The following DHDH variants were observed in gnomAD, a reference collection of about 807,000 sequenced individuals.
The protein encoded by DHDH is dihydrodiol dehydrogenase, also known as trans-1,2-dihydrobenzene-1,2-diol dehydrogenase.
Under a neutral mutation model 33.2 loss-of-function variants are expected in DHDH, and 29 were observed. The observed-to-expected ratio is 0.87, with a 90% CI of 0.65 to 1.19. The LOEUF is 1.19. DHDH is among the 50% of genes most tolerant of loss of function. The pLI, the probability that DHDH is intolerant of heterozygous loss-of-function variation, is 0.00. For synonymous variants in DHDH, 201 were observed against 187.9 expected (o/e 1.07, Z -0.57); for missense variants, 431 against 455.0 (o/e 0.95, Z 0.48).
chr19:48,932,988 G>A (rs4802526), upstream of DHDH, among the ~76,000 whole-genome samples: 1 of 152,010 alleles, frequency 6.6e-6, no homozygotes, highest in Non-Finnish European at 1.5e-5. Context: ...GGGCAAGGAG[G>A]GTTTTGAAAC....
At chr19:48,943,055 CA>C (rs5828370) in intron 5 of DHDH, among the ~76,000 whole-genome samples, 25 of 140,820 alleles carry the variant, frequency 1.8e-4, no homozygotes, top group African/African-American at 3.8e-4. Flanking sequence ...AACTCCATCT[CA>C]AAAAAAAAAA....
In DHDH at chr19:48,942,576, C is replaced by G. The variant is rs7246241; in HGVS notation, c.744+12C>G. 1.2e-6 allele frequency: 2 copies of G among 1,606,174 alleles called. No homozygotes were observed. The highest frequency in any genetic ancestry group is 1.3e-5 in the African/African-American group (1 of 74,800). On this transcript the variant is annotated intron_variant, in intron 5 of 6. Coordinates refer to ENST00000221403, the MANE Select transcript of DHDH (RefSeq NM_014475.4). ...AGGGCATGGTACAGGTGAGGCATGG[C>G]GGGCCCAAGCGCTGGGGATCGTGCC... is the stretch of plus-strand genomic sequence containing the variant.
intron 3 of DHDH, among the ~76,000 whole-genome samples, 198 bp downstream of exon 3, chr19:48,936,393 C>CA (rs1431289623): frequency 7.2e-5 from 11 of 152,118 alleles, no homozygotes; most frequent in African/African-American, 2.2e-4. Flanking sequence ...GATCTTTTGT[C>CA]AGTCTTTAAG....
intron 3 of DHDH, among the ~76,000 whole-genome samples, chr19:48,936,423 G>A (rs1325889652): frequency 2.6e-5 from 4 of 152,072 alleles, no homozygotes; most frequent in African/African-American, 7.2e-5. Flanking sequence ...CCGGCCGGGC[G>A]CGGTGGCTCA....
At chr19:48,937,598 G>T (rs1485893343) in intron 3 of DHDH, among the ~76,000 whole-genome samples, 2 of 151,628 alleles carry the variant, frequency 1.3e-5, no homozygotes, top group African/African-American at 4.8e-5. Flanking sequence ...GGATCACGAC[G>T]TCAGGAGATC....
chr19:48,935,926 C>G (rs900530449), intron 2 of DHDH, 106 bp from the exon 3 acceptor site: 2 of 1,434,768 alleles, frequency 1.4e-6, no homozygotes, highest in South Asian at 1.3e-5. Context: ...GGGGTGTGAC[C>G]GACCACCTGG....
chr19:48,944,298 A>G, intron 5 of DHDH, 59 bp from the exon 6 acceptor site: 1 of 1,608,832 alleles, frequency 6.2e-7, no homozygotes, highest in Non-Finnish European at 8.5e-7. Flanking sequence ...ATGTTCCTGG[A>G]GGCAGCCTCA....
rs959130272 is a variant in DHDH, at chr19:48,942,307, A to G, written c.620-133A>G. ...GCGTGAGCCACCGCGACCAGCCAGC[A>G]CTTCATTCTTTTGCCTTGCCATGCA... On this transcript the variant is annotated intron_variant, in intron 4 of 6. Transcript: ENST00000221403. 5 of 1,039,704 alleles carry G rather than the reference A, an allele frequency of 4.8e-6. 1 individual carries two copies. The highest frequency in any genetic ancestry group is 6.6e-6 in the Non-Finnish European group (5 of 755,950). The allele number at this position is 1,039,704 out of a possible 1,614,324, so 64.4% of individuals were successfully genotyped here.
chr19:48,937,496 C>T (rs557361963), intron 3 of DHDH, among the ~76,000 whole-genome samples: 1 of 151,716 alleles, frequency 6.6e-6, no homozygotes, highest in Admixed American at 6.6e-5. Context: ...GCCAACATGG[C>T]GAAACTCCGT....
intron 4 of DHDH, among the ~76,000 whole-genome samples, chr19:48,940,470 C>T (rs1408311536): frequency 6.6e-6 from 1 of 151,820 alleles, no homozygotes; most frequent in Non-Finnish European, 1.5e-5. Flanking sequence ...TCATCTTTGA[C>T]CTTTAACCCC....
At chr19:48,934,628 C>T (rs2037746338) in intron 1 of DHDH, among the ~76,000 whole-genome samples, 1 of 152,138 alleles carries the variant, frequency 6.6e-6, no homozygotes, top group Non-Finnish European at 1.5e-5. Context: ...TAAAGTGAAA[C>T]ATAAATCTAG....
At chr19:48,934,873 C>G in intron 1 of DHDH, 127 bp from the exon 2 acceptor site, 1 of 616,560 alleles carries the variant, frequency 1.6e-6, no homozygotes, top group South Asian at 2.8e-5. Flanking sequence ...AATGTCCAGC[C>G]CCCGTCATCT....
chr19:48,943,596 C>T (rs915697252), intron 5 of DHDH, among the ~76,000 whole-genome samples: 4 of 151,938 alleles, frequency 2.6e-5, no homozygotes, highest in Non-Finnish European at 4.4e-5. Context: ...CAGCCCAGAG[C>T]GGGTGGATCA....
chr19:48,935,211 C>T, intron 2 of DHDH, 100 bp downstream of exon 2: 1 of 882,346 alleles, frequency 1.1e-6, no homozygotes, highest in South Asian at 2.2e-5. Context: ...TGGTCCAATC[C>T]CTTTGGGTTC....
chr19:48,944,307 C>T (rs761725052), intron 5 of DHDH, 50 bp from the exon 6 acceptor site: 20 of 1,611,118 alleles, frequency 1.2e-5, no homozygotes, highest in Non-Finnish European at 1.6e-5. Context: ...GAGGCAGCCT[C>T]AGCAGCACCG....
Position 48,933,730 on chromosome 19 carries a change from G to C in DHDH, c.9G>C (p.Leu3=), listed in dbSNP as rs371485026. Residue 3 remains leucine (L), a synonymous_variant, in exon 1 of 7, where the codon CTG becomes CTC. Coordinates refer to ENST00000221403, the MANE Select transcript of DHDH (RefSeq NM_014475.4). ...GGCTCCGCATCGCAACCATGGCGCT[G>C]CGCTGGGGCATCGTGTCTGTCGGCC... MA[L]RWGIVSVGLI... The C allele has an allele frequency of 1.9e-6, 3 of 1,613,408 alleles. No homozygotes were observed. Among genetic ancestry groups the C allele is most frequent in the South Asian group, 1.1e-5 (1 of 91,080 alleles).
chr19:48,933,309 A>G (rs1407730465), upstream of DHDH, among the ~76,000 whole-genome samples: 1 of 152,118 alleles, frequency 6.6e-6, no homozygotes, highest in Non-Finnish European at 1.5e-5. Flanking sequence ...TCTGTGAACA[A>G]CCCCTAATGA....
Position 48,939,599 on chromosome 19 carries a change from G to A in DHDH, c.517G>A (p.Ala173Thr), listed in dbSNP as rs1006726849. Reference protein sequence around the residue: ...RAVDRAQAGGALLDIGIYCVQ... With the variant: ...RAVDRAQAGGTLLDIGIYCVQ... ...CGTAGACCGGGCCCAGGCTGGGGGG[G>A]CCCTGCTGGACATCGGCATCTACTG... The change falls in exon 4 of 7, where the codon GCC (alanine) becomes ACC (threonine). Residue 173 changes from alanine to threonine, a missense_variant. Physicochemically the swap from Ala to Thr is moderately conservative, Grantham distance 58. Coordinates refer to ENST00000221403, the MANE Select transcript of DHDH (RefSeq NM_014475.4). 26 of 1,613,962 alleles carry A rather than the reference G, an allele frequency of 1.6e-5. No individual in the cohort carries two copies. The highest frequency in any genetic ancestry group is 1.6e-4 in the Middle Eastern group (1 of 6,084).
rs763344674 is a variant in DHDH at position 48,935,041 on chromosome 19, G to A, written c.132G>A (p.Glu44=). The A allele has an allele frequency of 2.3e-5, 36 of 1,591,304 alleles. No homozygotes were observed. Among genetic ancestry groups the A allele is most frequent in the Non-Finnish European group, 3.1e-5 (36 of 1,170,802 alleles). The part of the protein sequence containing the change: ...VAARDLSRAK[E]FAQKHDIPKA... ...CCCGCGATCTGAGCCGTGCGAAGGA[G>A]TTTGCACAGAAACACGACATCCCCA... Residue 44 remains glutamate (E), a synonymous_variant, in exon 2 of 7, where the codon GAG becomes GAA. Transcript: ENST00000221403.
Sources: gnomAD v4.1 joint callset for allele counts (sites outside exome capture counted in the v4.1 genomes callset) on GRCh38, gnomAD v4.1.1 for gene constraint, MANE v1.5 for transcripts, NCBI Gene and HGNC (gene_info 2026-07-23, HGNC 2026-07-21) for gene names.